The following FMN1 variants were observed in gnomAD, a reference collection of about 807,000 sequenced individuals.
The protein encoded by FMN1 is formin 1.
FMN1 carries 110 observed loss-of-function variants against 132.4 expected under a neutral mutation model. That is an observed-to-expected ratio of 0.83 (90% CI 0.71 to 0.97). The LOEUF is 0.97. Ranked by LOEUF, FMN1 falls within the 50% of genes least tolerant of loss-of-function variation. The pLI, the probability that FMN1 is intolerant of heterozygous loss-of-function variation, is 0.00. For synonymous variants in FMN1, 722 were observed against 651.7 expected (o/e 1.11, Z -1.64); for missense variants, 1,792 against 1,705.3 (o/e 1.05, Z -0.90).
chr15:33,033,107 T>A (rs1362593781), intron 6 of FMN1, among the ~76,000 whole-genome samples: 1 of 151,776 alleles, frequency 6.6e-6, no homozygotes, highest in Non-Finnish European at 1.5e-5. Flanking sequence ...CTCGGCTCAC[T>A]GCAAGCTCTG....
chr15:33,012,194 C>G, intron 6 of FMN1: 2 of 595,818 alleles, frequency 3.4e-6, no homozygotes, highest in South Asian at 1.7e-5. Flanking sequence ...GGCTTTGAAA[C>G]CACCGATAAG....
chr15:33,082,036 TG>T (rs71117106), intron 5 of FMN1, among the ~76,000 whole-genome samples: 3,703 of 142,218 alleles, frequency 0.026, 84 homozygotes, highest in Non-Finnish European at 0.034. Context: ...TGTGTGTGTG[TG>T]TGTGTGTGTG....
In FMN1 at chr15:32,968,746, T is replaced by C. The variant is rs751621110; in HGVS notation, c.2955A>G (p.Leu985=). 2.5e-6 allele frequency: 4 copies of C among 1,612,518 alleles called. No individual in the cohort carries two copies. Among genetic ancestry groups the C allele is most frequent in the Non-Finnish European group, 2.5e-6 (3 of 1,179,506 alleles). ...AIEPSCPMKP[L]YWTRIQISDR... Reference sequence around the variant, plus strand: ...CACTTATTTGTATCCTAGTCCAATATAAAGGCTTCATGGGACAACTGGGCT... The same window carrying C: ...CACTTATTTGTATCCTAGTCCAATACAAAGGCTTCATGGGACAACTGGGCT... Residue 985 remains leucine (L), a synonymous_variant, in exon 8 of 21, where the codon TTA becomes TTG. Coordinates refer to ENST00000616417, the MANE Select transcript of FMN1 (RefSeq NM_001277313.2).
At chr15:32,872,182 C>T (rs988681405) in intron 16 of FMN1, among the ~76,000 whole-genome samples, 3 of 152,038 alleles carry the variant, frequency 2.0e-5, no homozygotes, top group Non-Finnish European at 4.4e-5. Flanking sequence ...TTGTAATATA[C>T]ATTTATATAA....
Position 32,944,155 on chromosome 15 carries a change from G to A in FMN1, c.3139-17894C>T, listed in dbSNP as rs1205839930. Among the ~76,000 whole-genome samples the A allele has an allele frequency of 2.6e-5, 4 of 152,182 alleles. 1 individual carries two copies. The South Asian group carries it at 6.2e-4, about 24-fold the overall frequency. On this transcript the variant is annotated intron_variant, in intron 9 of 20. Coordinates refer to ENST00000616417, the MANE Select transcript of FMN1 (RefSeq NM_001277313.2). ...ACAGCCATCTTGCTTTCTCTCTTAC[G>A]GGAGAATAACCGCTTCTTTGGAAAT...
intron 6 of FMN1, among the ~76,000 whole-genome samples, chr15:33,047,913 A>G (rs1225896180): frequency 6.6e-6 from 1 of 152,170 alleles, no homozygotes; most frequent in East Asian, 1.9e-4. Flanking sequence ...GAAAAATCTT[A>G]CAACTATTGG....
chr15:32,916,577 G>C (rs996109561), intron 10 of FMN1, among the ~76,000 whole-genome samples: 2 of 152,170 alleles, frequency 1.3e-5, no homozygotes, highest in Admixed American at 1.3e-4. Flanking sequence ...GGCTCACCAG[G>C]TTTCGGCTGA....
intron 17 of FMN1, 87 bp from the exon 18 acceptor site, chr15:32,804,419 C>T: frequency 5.0e-6 from 1 of 200,734 alleles, no homozygotes. Flanking sequence ...CCATTCATTA[C>T]CACAGGAGGT....
rs187147404 is a variant in FMN1 at position 33,042,745 on chromosome 15, C to T, written c.2161+22212G>A. On this transcript the variant is annotated intron_variant, in intron 6 of 20. Coordinates refer to ENST00000616417, the MANE Select transcript of FMN1 (RefSeq NM_001277313.2). The stretch of plus-strand genomic sequence containing the variant: ...ACTTTGGTTTCACAAGGAGCCAGAA[C>T]TATATCATTAAATACAGAAAAGAAC... Among the ~76,000 whole-genome samples, 19 of 149,948 alleles carry T rather than the reference C, an allele frequency of 1.3e-4. No homozygotes were observed. The East Asian group carries it at 3.7e-3, about 29-fold the overall frequency.
At chr15:32,842,202 A>T (rs117017361) in intron 17 of FMN1, among the ~76,000 whole-genome samples, 1 of 152,222 alleles carries the variant, frequency 6.6e-6, no homozygotes, top group Non-Finnish European at 1.5e-5. Flanking sequence ...GCCAGTAACT[A>T]TGTAAGAAGG....
intron 4 of FMN1, among the ~76,000 whole-genome samples, chr15:33,124,555 G>GAA (rs397707677): frequency 6.6e-6 from 1 of 151,614 alleles, no homozygotes; most frequent in African/African-American, 2.4e-5. Flanking sequence ...CCAGGGTTGA[G>GAA]TCATCGGAGT....
chr15:33,124,318 G>C (rs1341445884), intron 4 of FMN1, among the ~76,000 whole-genome samples: 3 of 152,218 alleles, frequency 2.0e-5, no homozygotes, highest in Non-Finnish European at 2.9e-5. Flanking sequence ...AAGGGGGTCT[G>C]GTCAGCGTCT....
At chr15:32,932,135 A>G (rs1160877050) in intron 9 of FMN1, among the ~76,000 whole-genome samples, 1 of 152,224 alleles carries the variant, frequency 6.6e-6, no homozygotes, top group Non-Finnish European at 1.5e-5. Flanking sequence ...GCAGTGGCTC[A>G]TGCCTGTAAT....
intron 19 of FMN1, among the ~76,000 whole-genome samples, chr15:32,788,489 C>G (rs2056954840): frequency 6.6e-6 from 1 of 152,140 alleles, no homozygotes; most frequent in African/African-American, 2.4e-5. Context: ...CAAAAACTAG[C>G]ACTGAGAGCC....
At chr15:32,945,928 G>A (rs1007074547) in intron 9 of FMN1, among the ~76,000 whole-genome samples, 5 of 152,158 alleles carry the variant, frequency 3.3e-5, no homozygotes, top group Non-Finnish European at 4.4e-5. Flanking sequence ...TTCATTTGCC[G>A]CCATTGCCAT....
chr15:32,883,509 CAAAAAAAAAAAAAAAAAA>C (rs60737133), intron 16 of FMN1, among the ~76,000 whole-genome samples: 4 of 25,908 alleles, frequency 1.5e-4, no homozygotes, highest in Admixed American at 5.2e-4. Context: ...GAACCTATCT[CAAAAAAAAAAAAAAAAAA>C]AAAAAAAAAA....
intron 6 of FMN1, among the ~76,000 whole-genome samples, chr15:33,014,671 C>T (rs1037627733): frequency 6.6e-6 from 1 of 152,186 alleles, no homozygotes; most frequent in Non-Finnish European, 1.5e-5. Flanking sequence ...TTTCTCTGTA[C>T]AAATAAAGCT....
chr15:32,793,119 C>A (rs2057149870), intron 19 of FMN1, among the ~76,000 whole-genome samples: 1 of 152,000 alleles, frequency 6.6e-6, no homozygotes, highest in Non-Finnish European at 1.5e-5. Context: ...AGAGAGAGGG[C>A]CAAGAGGTGT....
intron 9 of FMN1, among the ~76,000 whole-genome samples, chr15:32,952,617 C>A (rs542896800): frequency 2.0e-5 from 3 of 152,222 alleles, no homozygotes; most frequent in South Asian, 2.1e-4. Context: ...ACAACAGAGT[C>A]CACAAGAGAG....
Sources: allele counts gnomAD v4.1 joint callset (sites outside exome capture counted in the v4.1 genomes callset), GRCh38; gene constraint gnomAD v4.1.1; transcripts MANE v1.5; gene names NCBI Gene and HGNC (gene_info 2026-07-23, HGNC 2026-07-21).